MCC: variants seen among roughly 807,000 people sequenced by gnomAD.
MCC encodes the protein MCC regulator of Wnt signaling pathway, also known as colorectal mutant cancer protein.
A neutral mutation model predicts 116.2 loss-of-function variants in MCC; 90 were observed. The ratio of observed to expected loss-of-function variants is 0.77; its 90% CI spans 0.65 to 0.92. The LOEUF (loss-of-function observed/expected upper bound fraction) is 0.92. MCC is among the 40% of genes least tolerant of loss of function. The pLI, the probability that MCC is intolerant of heterozygous loss-of-function variation, is 0.00. For missense variants in MCC, 1,516 were observed against 1,312.2 expected, an observed-to-expected ratio of 1.16 and a Z score of -2.40; for synonymous variants, 578 against 510.5, an observed-to-expected ratio of 1.13 and a Z score of -1.78.
intron 14 of MCC, among the ~76,000 whole-genome samples, chr5:113,061,871 G>C (rs1580959535): frequency 6.6e-6 from 1 of 152,164 alleles, no homozygotes; most frequent in Admixed American, 6.5e-5. Context: ...TCATAAACTT[G>C]ACAAGGGGGA....
intron 17 of MCC, among the ~76,000 whole-genome samples, chr5:113,033,047 A>C (rs981905617): frequency 2.0e-5 from 3 of 152,226 alleles, no homozygotes; most frequent in African/African-American, 7.2e-5. Flanking sequence ...CTTTTCCTTT[A>C]CTTTCCTAAT....
At chr5:113,408,960 C>T (rs1188636110) in intron 1 of MCC, among the ~76,000 whole-genome samples, 1 of 152,118 alleles carries the variant, frequency 6.6e-6, no homozygotes, top group African/African-American at 2.4e-5. Context: ...ACAGCTTAAA[C>T]AAAAGTTTGA....
intron 3 of MCC, among the ~76,000 whole-genome samples, chr5:113,175,642 T>C (rs887285588): frequency 1.3e-5 from 2 of 152,238 alleles, no homozygotes; most frequent in Middle Eastern, 3.4e-3. Context: ...CTCAGGAACC[T>C]ATCTAGGAGG....
rs189537671 is a variant in MCC, at chr5:113,397,053, C to G, written c.171-11841G>C. On this transcript the variant is annotated intron_variant, in intron 1 of 18. Transcript: ENST00000408903. The stretch of plus-strand genomic sequence containing the variant: ...AGAGAGACACTGCTATGGATAAATG[C>G]ACCTCAGCCCCTTTTTAAAATTCAG... 5.3e-4 allele frequency among the ~76,000 whole-genome samples: 80 copies of G among 152,300 alleles called. No homozygotes were observed. The Middle Eastern group carries it at 0.014, about 26-fold the overall frequency.
intron 17 of MCC, among the ~76,000 whole-genome samples, chr5:113,042,491 A>G (rs2150214842): frequency 6.6e-6 from 1 of 151,242 alleles, no homozygotes; most frequent in South Asian, 2.1e-4. Context: ...AAAAAAAAAA[A>G]AAAAAAAATT....
intron 1 of MCC, among the ~76,000 whole-genome samples, chr5:113,485,284 G>A (rs571174829): frequency 6.6e-6 from 1 of 152,178 alleles, no homozygotes; most frequent in South Asian, 2.1e-4. Flanking sequence ...CGGAGGACCA[G>A]AGCAAATATA....
intron 17 of MCC, among the ~76,000 whole-genome samples, chr5:113,042,106 G>A (rs1407971406): frequency 1.3e-5 from 2 of 152,008 alleles, no homozygotes; most frequent in African/African-American, 4.8e-5. Context: ...CACCAAGAAA[G>A]AGTCACAAAA....
At chr5:113,275,603 C>T (rs531490091) in intron 3 of MCC, among the ~76,000 whole-genome samples, 1 of 152,102 alleles carries the variant, frequency 6.6e-6, no homozygotes, top group Non-Finnish European at 1.5e-5. Context: ...AGGTATAGCC[C>T]GCCCTCCATT....
At chr5:113,280,703 G>C (rs1766010441) in intron 3 of MCC, among the ~76,000 whole-genome samples, 1 of 152,182 alleles carries the variant, frequency 6.6e-6, no homozygotes, top group African/African-American at 2.4e-5. Context: ...GAGGGCAGGA[G>C]GGAGGAGGAG....
intron 1 of MCC, among the ~76,000 whole-genome samples, chr5:113,486,699 C>T (rs565124011): frequency 6.6e-5 from 10 of 152,032 alleles, no homozygotes; most frequent in African/African-American, 1.4e-4. Context: ...GAAAATTAGC[C>T]GGGAGTGGTA....
intron 3 of MCC, among the ~76,000 whole-genome samples, chr5:113,323,776 C>T (rs1264639615): frequency 6.6e-6 from 1 of 152,212 alleles, no homozygotes; most frequent in Non-Finnish European, 1.5e-5. Flanking sequence ...GTCTCAGCTA[C>T]TCAGGAGGCT....
At chr5:113,264,884 A>G (rs1765364082) in intron 3 of MCC, among the ~76,000 whole-genome samples, 1 of 152,174 alleles carries the variant, frequency 6.6e-6, no homozygotes, top group Non-Finnish European at 1.5e-5. Flanking sequence ...TCTACTAAAA[A>G]TACAAAAATT....
chr5:113,228,868 G>A (rs1247624610), intron 3 of MCC, among the ~76,000 whole-genome samples: 1 of 152,164 alleles, frequency 6.6e-6, no homozygotes, highest in Non-Finnish European at 1.5e-5. Context: ...TTACTGTGGG[G>A]TATGAAGAAG....
intron 3 of MCC, among the ~76,000 whole-genome samples, chr5:113,257,454 G>GA (rs1429284262): frequency 6.6e-6 from 1 of 152,178 alleles, no homozygotes; most frequent in Non-Finnish European, 1.5e-5. Context: ...AAGCCAAGGT[G>GA]AAGAAGAGGG....
chr5:113,084,384 G>A (rs954826869), intron 9 of MCC, among the ~76,000 whole-genome samples, 194 bp from the exon 10 acceptor site: 1 of 152,182 alleles, frequency 6.6e-6, no homozygotes, highest in Non-Finnish European at 1.5e-5. Context: ...CTGATATTTT[G>A]GCTTGGATAA....
intron 3 of MCC, among the ~76,000 whole-genome samples, chr5:113,166,678 T>A (rs571210346): frequency 1.3e-4 from 19 of 144,986 alleles, no homozygotes; most frequent in Admixed American, 1.1e-3. Context: ...GTCTTCCCAT[T>A]ACCCTCAATA....
chr5:113,470,075 C>G (rs1772038564), intron 1 of MCC, among the ~76,000 whole-genome samples: 1 of 152,074 alleles, frequency 6.6e-6, no homozygotes. Context: ...CTATGTGTGT[C>G]TCTGCACATG....
chr5:113,388,176 G>A (rs992467121), intron 1 of MCC, among the ~76,000 whole-genome samples: 1 of 152,154 alleles, frequency 6.6e-6, no homozygotes, highest in East Asian at 1.9e-4. Context: ...AATTTTAAAC[G>A]TGTAGGCTGT....
intron 2 of MCC, among the ~76,000 whole-genome samples, chr5:113,362,061 A>T (rs537877815): frequency 1.3e-5 from 2 of 152,064 alleles, no homozygotes; most frequent in South Asian, 4.2e-4. Flanking sequence ...TATTAAATCC[A>T]CCCTCATATA....
Sources: allele counts gnomAD v4.1 joint callset (sites outside exome capture counted in the v4.1 genomes callset), GRCh38; gene constraint gnomAD v4.1.1; transcripts MANE v1.5; gene names NCBI Gene and HGNC (gene_info 2026-07-23, HGNC 2026-07-21).